DGKB: variants seen among roughly 807,000 people sequenced by gnomAD.
The protein encoded by DGKB is diacylglycerol kinase beta.
Under a neutral mutation model 114.3 loss-of-function variants are expected in DGKB, and 67 were observed. The ratio of observed to expected loss-of-function variants is 0.59; its 90% confidence interval spans 0.48 to 0.72. DGKB has a LOEUF of 0.72. DGKB is among the 30% of genes least tolerant of loss of function. The pLI, the probability that DGKB is intolerant of heterozygous loss-of-function variation, is 0.00. For synonymous variants in DGKB, 398 were observed against 323.1 expected, an observed-to-expected ratio of 1.23 and a Z score of -2.49; for missense variants, 907 against 975.2, an observed-to-expected ratio of 0.93 and a Z score of 0.93.
chr7:14,331,101 G>A (rs931405128), intron 23 of DGKB, among the ~76,000 whole-genome samples: 4 of 151,714 alleles, frequency 2.6e-5, no homozygotes, highest in Non-Finnish European at 5.9e-5. Flanking sequence ...GCTATTATTT[G>A]CATTACCATT....
rs1445555273 is a variant in DGKB at position 14,316,184 on chromosome 7, A to G, written c.2122+22331T>C. Among the ~76,000 whole-genome samples, 4 of 152,274 alleles carry G rather than the reference A, an allele frequency of 2.6e-5. No homozygotes were observed. The South Asian group carries it at 8.3e-4, about 32-fold the overall frequency. On this transcript the variant is annotated intron_variant, in intron 23 of 25. Coordinates refer to ENST00000402815, the MANE Select transcript of DGKB (RefSeq NM_001350709.2). ...TAAATACCCACAAGAGAAAGCAGGA[A>G]AGATCCAAAACTGACACCCTAACAT...
Position 14,968,052 on chromosome 7 carries a change from A to T in DGKB, c.-188+6644T>A, listed in dbSNP as rs1351798824. On this transcript the variant is annotated intron_variant, in intron 1 of 4. Transcript: ENST00000437998. Reference sequence around the variant, plus strand: ...CATATAGTAGAGAAATTCAAAACTGAAATACCTTTGTCCATTTCTCCTTAA... The same window carrying T: ...CATATAGTAGAGAAATTCAAAACTGTAATACCTTTGTCCATTTCTCCTTAA... 2.6e-5 allele frequency among the ~76,000 whole-genome samples: 4 copies of T among 152,272 alleles called. No individual in the cohort carries two copies. The East Asian group carries it at 5.8e-4, about 22-fold the overall frequency.
At chr7:14,254,147 T>G (rs1363739264) in intron 23 of DGKB, among the ~76,000 whole-genome samples, 1 of 152,158 alleles carries the variant, frequency 6.6e-6, no homozygotes, top group African/African-American at 2.4e-5. Flanking sequence ...GAGGAACAAG[T>G]AGCTTTTCTG....
chr7:14,960,610 C>T (rs1587462494), intron 1 of DGKB, among the ~76,000 whole-genome samples: 1 of 151,946 alleles, frequency 6.6e-6, no homozygotes, highest in Non-Finnish European at 1.5e-5. Context: ...ATTTATTATA[C>T]AAATATAATT....
intron 22 of DGKB, among the ~76,000 whole-genome samples, chr7:14,341,576 G>A (rs1382669886): frequency 6.6e-6 from 1 of 151,842 alleles, no homozygotes; most frequent in African/African-American, 2.4e-5. Context: ...TTAACATATA[G>A]TACTATGGGA....
chr7:14,640,177 T>G (rs188431269), intron 13 of DGKB, among the ~76,000 whole-genome samples: 33 of 152,350 alleles, frequency 2.2e-4, no homozygotes, highest in South Asian at 4.1e-4. Flanking sequence ...ATAAGTGTGC[T>G]GGATTATACC....
chr7:14,316,254 G>A (rs1806491268), intron 23 of DGKB, among the ~76,000 whole-genome samples: 1 of 151,214 alleles, frequency 6.6e-6, no homozygotes, highest in African/African-American at 2.4e-5. Context: ...ACATTCCAAA[G>A]CTAGCAGAAG....
intron 2 of DGKB, among the ~76,000 whole-genome samples, chr7:14,786,364 T>C (rs899615254): frequency 6.6e-6 from 1 of 152,206 alleles, no homozygotes; most frequent in Non-Finnish European, 1.5e-5. Flanking sequence ...ATATTTAAAC[T>C]GAAAATACCT....
intron 5 of DGKB, among the ~76,000 whole-genome samples, chr7:14,728,743 G>A (rs909810652): frequency 1.5e-4 from 22 of 145,538 alleles, no homozygotes; most frequent in East Asian, 4.0e-4. Flanking sequence ...TCGCTCTGTC[G>A]TGCAGGCTGG....
At chr7:14,165,360 T>G (rs1784467556) in intron 25 of DGKB, among the ~76,000 whole-genome samples, 1 of 152,204 alleles carries the variant, frequency 6.6e-6, no homozygotes, top group South Asian at 2.1e-4. Flanking sequence ...CTTACTAATT[T>G]GTTTCCAGTC....
chr7:14,332,588 A>T (rs1809928851), intron 23 of DGKB, among the ~76,000 whole-genome samples: 1 of 152,228 alleles, frequency 6.6e-6, no homozygotes, highest in Non-Finnish European at 1.5e-5. Flanking sequence ...TTTTTACTTG[A>T]ATTAATTTTT....
At chr7:14,704,376 A>T (rs969668449) in intron 6 of DGKB, among the ~76,000 whole-genome samples, 1 of 145,346 alleles carries the variant, frequency 6.9e-6, no homozygotes, top group African/African-American at 2.6e-5. Context: ...CGAACCAGGG[A>T]GGCGGAGCTT....
intron 21 of DGKB, among the ~76,000 whole-genome samples, chr7:14,376,083 G>A (rs1818439134): frequency 6.6e-6 from 1 of 152,180 alleles, no homozygotes; most frequent in Non-Finnish European, 1.5e-5. Flanking sequence ...AAAGAGACTA[G>A]AAGTGACTCT....
chr7:14,715,358 A>T (rs1828015914), intron 6 of DGKB, among the ~76,000 whole-genome samples: 1 of 152,280 alleles, frequency 6.6e-6, no homozygotes, highest in Non-Finnish European at 1.5e-5. Context: ...AAGCCACAGG[A>T]TTTGAGGGTA....
chr7:14,380,194 A>C (rs943038997), intron 21 of DGKB, among the ~76,000 whole-genome samples: 1 of 152,020 alleles, frequency 6.6e-6, no homozygotes, highest in African/African-American at 2.4e-5. Flanking sequence ...ATTTATAAAC[A>C]CTGTATACAT....
At chr7:14,625,233 G>A (rs907320261) in intron 14 of DGKB, among the ~76,000 whole-genome samples, 6 of 152,066 alleles carry the variant, frequency 3.9e-5, no homozygotes, top group African/African-American at 1.2e-4. Flanking sequence ...AAAACCAAGT[G>A]ATTTCTTTGG....
rs536717638 is a variant in DGKB at position 14,917,437 on chromosome 7, T to C, written c.-188+57259A>G. On this transcript the variant is annotated intron_variant, in intron 1 of 4. Coordinates refer to the DGKB transcript ENST00000437998. Reference sequence around the variant, plus strand: ...CAAATTACTAACATCTGTAGCAAAATAGAGGTCATCACTGATCCCATTTAT... The same window carrying C: ...CAAATTACTAACATCTGTAGCAAAACAGAGGTCATCACTGATCCCATTTAT... 6.6e-5 allele frequency among the ~76,000 whole-genome samples: 10 copies of C among 151,958 alleles called. No individual in the cohort carries two copies. In the South Asian group the frequency reaches 1.7e-3, roughly 25 times the overall value.
At chr7:14,866,993 T>A (rs1436151127) in intron 1 of DGKB, among the ~76,000 whole-genome samples, 1 of 152,214 alleles carries the variant, frequency 6.6e-6, no homozygotes, top group East Asian at 1.9e-4. Flanking sequence ...AGGTAGAACA[T>A]CTTTTCACAT....
intron 4 of DGKB, among the ~76,000 whole-genome samples, chr7:14,736,529 C>T (rs1026308799): frequency 1.3e-5 from 2 of 152,128 alleles, no homozygotes; most frequent in African/African-American, 4.8e-5. Context: ...TCCCACCCCA[C>T]ATAGTTGTTG....
Sources: allele counts gnomAD v4.1 joint callset (sites outside exome capture counted in the v4.1 genomes callset), GRCh38; gene constraint gnomAD v4.1.1; transcripts MANE v1.5; gene names NCBI Gene and HGNC (gene_info 2026-07-23, HGNC 2026-07-21).